CACNB2: variants seen among roughly 807,000 people sequenced by gnomAD.
CACNB2 encodes the protein voltage-dependent L-type calcium channel subunit beta-2.
A neutral mutation model predicts 73.3 loss-of-function variants in CACNB2; 42 were observed. That is an observed-to-expected ratio of 0.57 (90% CI 0.45 to 0.74). The LOEUF is 0.74. CACNB2 is among the 30% of genes least tolerant of loss of function. The pLI is 0.00. For missense variants in CACNB2, 940 were observed against 853.0 expected (o/e 1.10, Z -1.27); for synonymous variants, 348 against 310.3 (o/e 1.12, Z -1.28).
chr10:18,358,497 G>GCTCTCTCTCTCTCTCTCT (rs59205683), intron 2 of CACNB2, among the ~76,000 whole-genome samples: 14 of 104,330 alleles, frequency 1.3e-4, no homozygotes, highest in African/African-American at 2.3e-4. Context: ...TAATGAGCAC[G>GCTCTCTCTCTCTCTCTCT]CTCTCTCTCT....
chr10:18,188,811 A>AG (rs1229928475), intron 2 of CACNB2, among the ~76,000 whole-genome samples: 2 of 152,288 alleles, frequency 1.3e-5, no homozygotes, highest in East Asian at 3.9e-4. Context: ...TAGAAAAAAA[A>AG]GACAATTATA....
At chr10:18,244,262 G>T (rs1049989188) in intron 2 of CACNB2, among the ~76,000 whole-genome samples, 3 of 152,132 alleles carry the variant, frequency 2.0e-5, no homozygotes, top group Non-Finnish European at 2.9e-5. Context: ...ACAGATGTCT[G>T]GTTTCTTTGC....
chr10:18,421,301 GT>G (rs1378296317), intron 3 of CACNB2, among the ~76,000 whole-genome samples: 13 of 140,224 alleles, frequency 9.3e-5, no homozygotes, highest in South Asian at 6.9e-4. Context: ...TTGTTTTTTT[GT>G]TTTTTTTTTT....
chr10:18,258,059 C>T (rs7069292), intron 2 of CACNB2, among the ~76,000 whole-genome samples: 109,790 of 152,102 alleles, frequency 0.72, 39,935 homozygotes, highest in East Asian at 0.97. Flanking sequence ...AGTTCTTATA[C>T]GTGCCTAGAG....
chr10:18,422,649 T>C (rs972749412), intron 3 of CACNB2, among the ~76,000 whole-genome samples: 5 of 152,180 alleles, frequency 3.3e-5, no homozygotes, highest in African/African-American at 1.2e-4. Context: ...GCCAAACATG[T>C]ACAATTTGGC....
intron 2 of CACNB2, among the ~76,000 whole-genome samples, chr10:18,321,139 C>T (rs1589035942): frequency 6.6e-6 from 1 of 152,164 alleles, no homozygotes; most frequent in African/African-American, 2.4e-5. Flanking sequence ...CTAGGTGAAG[C>T]TGAGGACTTC....
chr10:18,261,301 G>A (rs1356906422), intron 2 of CACNB2: 7 of 1,551,436 alleles, frequency 4.5e-6, no homozygotes, highest in African/African-American at 4.1e-5. Context: ...CATCGCCGGC[G>A]AGTACGGGTG....
At chr10:18,150,428 C>T (rs2131027688) in intron 1 of CACNB2, among the ~76,000 whole-genome samples, 1 of 152,324 alleles carries the variant, frequency 6.6e-6, no homozygotes, top group East Asian at 1.9e-4. Context: ...CTTTGGGAGG[C>T]CAAGGCGGGC....
intron 2 of CACNB2, among the ~76,000 whole-genome samples, chr10:18,307,259 T>C (rs1392992181): frequency 6.6e-6 from 1 of 152,122 alleles, no homozygotes; most frequent in Non-Finnish European, 1.5e-5. Context: ...GCCTGAAGTT[T>C]GAGACCAGCC....
chr10:18,424,966 A>C (rs547597900), intron 3 of CACNB2, among the ~76,000 whole-genome samples: 1 of 152,114 alleles, frequency 6.6e-6, no homozygotes. Context: ...TGGGTATGTT[A>C]ATTAGCAGTG....
At chr10:18,141,654 G>T (rs1177746169) in intron 1 of CACNB2, among the ~76,000 whole-genome samples, 1 of 150,558 alleles carries the variant, frequency 6.6e-6, no homozygotes, top group African/African-American at 2.5e-5. Flanking sequence ...TAGGCGCTGG[G>T]CAATGACAAG....
At chr10:18,519,040 G>C in intron 9 of CACNB2, 72 bp downstream of exon 9, 2 of 1,309,544 alleles carry the variant, frequency 1.5e-6, no homozygotes, top group Non-Finnish European at 1.1e-6. Context: ...GGACATGCGT[G>C]TGATTCCAAG....
intron 2 of CACNB2, chr10:18,340,849 T>C (rs114519689): frequency 4.3e-6 from 7 of 1,613,582 alleles, no homozygotes; most frequent in African/African-American, 4.0e-5. Context: ...CTTGGCTGCC[T>C]TTTAGCTAGT....
At chr10:18,485,242 T>G (rs933786056) in intron 3 of CACNB2, among the ~76,000 whole-genome samples, 15 of 152,174 alleles carry the variant, frequency 9.9e-5, no homozygotes, top group Admixed American at 8.5e-4. Flanking sequence ...ATGGAAGGAT[T>G]ATTTATTATC....
At chr10:18,226,620 G>T (rs962381168) in intron 2 of CACNB2, among the ~76,000 whole-genome samples, 1 of 152,116 alleles carries the variant, frequency 6.6e-6, no homozygotes, top group Non-Finnish European at 1.5e-5. Context: ...ATTCATGAGC[G>T]TGTGGCCGTA....
At chr10:18,330,971 T>C (rs1020050302) in intron 2 of CACNB2, among the ~76,000 whole-genome samples, 1 of 138,498 alleles carries the variant, frequency 7.2e-6, no homozygotes, top group Non-Finnish European at 1.6e-5. Context: ...CCGGCCTTTT[T>C]ATCTTCTGCA....
chr10:18,148,906 T>G (rs1048590770), intron 1 of CACNB2, among the ~76,000 whole-genome samples: 80 of 151,730 alleles, frequency 5.3e-4, no homozygotes, highest in Non-Finnish European at 1.0e-4. Context: ...GGTGGGAGGA[T>G]TGCTTGAGCC....
chr10:18,448,498 A>G (rs1285199191), intron 3 of CACNB2, among the ~76,000 whole-genome samples: 10 of 146,650 alleles, frequency 6.8e-5, no homozygotes, highest in South Asian at 4.2e-4. Context: ...AAAAAAAAAA[A>G]AAAGAAAAGA....
At chr10:18,250,173 G>A (rs2037032928) in intron 2 of CACNB2, among the ~76,000 whole-genome samples, 1 of 152,198 alleles carries the variant, frequency 6.6e-6, no homozygotes, top group African/African-American at 2.4e-5. Flanking sequence ...ACTCATCTCT[G>A]TGTTTCCTCA....
Sources: gnomAD v4.1 joint callset for allele counts (sites outside exome capture counted in the v4.1 genomes callset) on GRCh38, gnomAD v4.1.1 for gene constraint, MANE v1.5 for transcripts, NCBI Gene and HGNC (gene_info 2026-07-23, HGNC 2026-07-21) for gene names.